The following ADAMTSL1 variants were observed in gnomAD, a reference collection of about 807,000 sequenced individuals.
ADAMTSL1 encodes ADAMTS-like protein 1.
A neutral mutation model predicts 201.8 loss-of-function variants in ADAMTSL1; 126 were observed. The ratio of observed to expected loss-of-function variants is 0.62; its 90% CI spans 0.54 to 0.72. The LOEUF (loss-of-function observed/expected upper bound fraction) is 0.72, where lower values mean the gene tolerates loss of function less well. Ranked by LOEUF, ADAMTSL1 falls within the 30% of genes least tolerant of loss-of-function variation. The pLI is 0.00. For synonymous variants in ADAMTSL1, 1,121 were observed against 903.4 expected (o/e 1.24, Z -4.32); for missense variants, 2,679 against 2,277.8 (o/e 1.18, Z -3.59).
chr9:18,115,149 A>T (rs1587083715), intron 1 of ADAMTSL1, among the ~76,000 whole-genome samples: 1 of 152,204 alleles, frequency 6.6e-6, no homozygotes, highest in Non-Finnish European at 1.5e-5. Context: ...CCATCAATTC[A>T]AAACATCATA....
chr9:18,074,383 T>C (rs537162050), intron 1 of ADAMTSL1, among the ~76,000 whole-genome samples: 1 of 152,320 alleles, frequency 6.6e-6, no homozygotes, highest in East Asian at 1.9e-4. Context: ...AAGAGTATGT[T>C]GTCTGTTCTC....
intron 14 of ADAMTSL1, among the ~76,000 whole-genome samples, chr9:18,710,285 G>A (rs1317646152): frequency 6.6e-6 from 1 of 152,160 alleles, no homozygotes. Context: ...AATGTATTGA[G>A]TGTTGACCAC....
intron 19 of ADAMTSL1, among the ~76,000 whole-genome samples, chr9:18,791,158 C>G (rs1019532271): frequency 2.0e-5 from 3 of 152,176 alleles, no homozygotes; most frequent in South Asian, 2.1e-4. Flanking sequence ...ATCTCTCTCT[C>G]TAGTCGCCAG....
intron 23 of ADAMTSL1, among the ~76,000 whole-genome samples, chr9:18,861,192 C>T (rs111778264): frequency 6.6e-6 from 1 of 152,198 alleles, no homozygotes. Context: ...ACACATCCCT[C>T]TTTTGATACA....
At chr9:18,063,538 T>C (rs1476890253) in intron 1 of ADAMTSL1, among the ~76,000 whole-genome samples, 1 of 152,250 alleles carries the variant, frequency 6.6e-6, no homozygotes, top group Non-Finnish European at 1.5e-5. Context: ...AGACATTCAT[T>C]GTTCAAAACA....
At chr9:18,627,193 G>C (rs1191732479) in intron 5 of ADAMTSL1, among the ~76,000 whole-genome samples, 1 of 152,010 alleles carries the variant, frequency 6.6e-6, no homozygotes, top group East Asian at 1.9e-4. Flanking sequence ...TGTTGGCCAG[G>C]CTGGTCTCAA....
chr9:18,160,924 G>C (rs942985409), intron 1 of ADAMTSL1, among the ~76,000 whole-genome samples: 2 of 148,000 alleles, frequency 1.4e-5, no homozygotes, highest in African/African-American at 5.0e-5. Context: ...CTAAGCTCAA[G>C]CATTCCTCGT....
At chr9:18,368,474 A>G (rs934852806) in intron 2 of ADAMTSL1, among the ~76,000 whole-genome samples, 1 of 152,182 alleles carries the variant, frequency 6.6e-6, no homozygotes, top group African/African-American at 2.4e-5. Flanking sequence ...ATTTTCCTGC[A>G]TATTTTATTT....
chr9:18,887,045 G>A (rs1828943766), intron 23 of ADAMTSL1, among the ~76,000 whole-genome samples: 1 of 152,136 alleles, frequency 6.6e-6, no homozygotes, highest in Non-Finnish European at 1.5e-5. Flanking sequence ...AATTTTCAAT[G>A]ACTTACTGCA....
chr9:18,455,896 G>A (rs551876696), intron 2 of ADAMTSL1, among the ~76,000 whole-genome samples: 1 of 151,982 alleles, frequency 6.6e-6, no homozygotes, highest in Non-Finnish European at 1.5e-5. Flanking sequence ...TTTAAAGAAA[G>A]AGACCCAAAA....
Position 18,908,670 on chromosome 9 carries a change from C to G in ADAMTSL1, c.*122C>G. On this transcript the variant is annotated 3_prime_UTR_variant, in exon 29 of 29. Transcript: ENST00000380548. ...TTCCCCCTCCCCACTCCACACACAC[C>G]CTTCCAACCTCCTCCACCTCCACCT... 3 of 738,458 alleles carry G rather than the reference C, an allele frequency of 4.1e-6. No individual in the cohort carries two copies. Among genetic ancestry groups the G allele is most frequent in the Non-Finnish European group, 6.5e-6 (3 of 458,190 alleles). The allele number at this position is 738,458 out of a possible 1,614,324, so 45.7% of individuals were successfully genotyped here.
At chr9:18,369,314 A>G (rs1836933530) in intron 2 of ADAMTSL1, among the ~76,000 whole-genome samples, 1 of 152,210 alleles carries the variant, frequency 6.6e-6, no homozygotes, top group African/African-American at 2.4e-5. Flanking sequence ...TAAAATGGAT[A>G]TCACAATTGT....
At chr9:18,575,207 A>G (rs1274146745) in intron 4 of ADAMTSL1, among the ~76,000 whole-genome samples, 2 of 152,184 alleles carry the variant, frequency 1.3e-5, no homozygotes, top group East Asian at 1.9e-4. Context: ...ATTTGGATGT[A>G]AAGGCAAAAA....
Position 18,455,925 on chromosome 9 carries a change from C to T in ADAMTSL1, c.208-48904C>T, listed in dbSNP as rs570459795. On this transcript the variant is annotated intron_variant, in intron 2 of 29. Transcript: ENST00000680146. ...CCCAAAATGCTTGCTAGGTAACTCA[C>T]TGTGTTTTGGATACTTTCTAATCCA... Among the ~76,000 whole-genome samples, 3 of 152,250 alleles carry T rather than the reference C, an allele frequency of 2.0e-5. No homozygotes were observed. In the East Asian group the frequency reaches 5.8e-4, roughly 29 times the overall value.
At chr9:18,687,513 C>G (rs745860332) in intron 13 of ADAMTSL1, among the ~76,000 whole-genome samples, 56 of 152,334 alleles carry the variant, frequency 3.7e-4, no homozygotes, top group Middle Eastern at 3.4e-3. Flanking sequence ...ACTATTATCT[C>G]TTGCTTTGGC....
chr9:17,908,687 G>A (rs139894433), intron 1 of ADAMTSL1, among the ~76,000 whole-genome samples: 2 of 152,118 alleles, frequency 1.3e-5, no homozygotes, highest in Non-Finnish European at 2.9e-5. Flanking sequence ...CAAACTCCTG[G>A]TCTCAGGTGA....
chr9:18,811,171 G>A (rs13302488), intron 20 of ADAMTSL1, among the ~76,000 whole-genome samples: 81,197 of 151,828 alleles, frequency 0.53, 22,340 homozygotes, highest in African/African-American at 0.66. Context: ...ACCACTACCT[G>A]CACCAGCAAA....
At chr9:18,709,002 C>G (rs1235968205) in intron 14 of ADAMTSL1, among the ~76,000 whole-genome samples, 3 of 152,106 alleles carry the variant, frequency 2.0e-5, no homozygotes, top group African/African-American at 7.2e-5. Flanking sequence ...TGATCTCTAC[C>G]TATAGAAGCT....
At chr9:18,593,727 CT>C (rs1220354972) in intron 4 of ADAMTSL1, among the ~76,000 whole-genome samples, 3 of 151,784 alleles carry the variant, frequency 2.0e-5, no homozygotes, top group African/African-American at 7.3e-5. Context: ...CAAAATTCCT[CT>C]TGTTATTAAT....
Sources: gnomAD v4.1 joint callset for allele counts (sites outside exome capture counted in the v4.1 genomes callset) on GRCh38, gnomAD v4.1.1 for gene constraint, MANE v1.5 for transcripts, NCBI Gene and HGNC (gene_info 2026-07-23, HGNC 2026-07-21) for gene names.